RAD9B: variants seen among roughly 807,000 people sequenced by gnomAD.
The protein encoded by RAD9B is cell cycle checkpoint control protein RAD9B.
In RAD9B, 41 loss-of-function variants were observed where a neutral mutation model predicts 48.3. The ratio of observed to expected loss-of-function variants is 0.85; its 90% CI spans 0.66 to 1.10. The LOEUF is 1.10. Ranked by LOEUF, RAD9B falls within the 50% of genes least tolerant of loss-of-function variation. RAD9B has a pLI of 0.00. For synonymous variants in RAD9B, 160 were observed against 157.9 expected (o/e 1.01, Z -0.10); for missense variants, 444 against 485.1 (o/e 0.92, Z 0.80).
rs749061102 is a variant in RAD9B at position 110,522,304 on chromosome 12, A to T, written c.1018A>T (p.Asn340Tyr). 1.9e-6 allele frequency: 3 copies of T among 1,613,724 alleles called. No individual in the cohort carries two copies. Among genetic ancestry groups the T allele is most frequent in the Non-Finnish European group, 2.5e-6 (3 of 1,179,808 alleles). The part of the protein sequence containing the change: ...ETLTNISALE[N>Y]CGSPAMKRVD... ...TCTCACAAACATATCTGCATTGGAA[A>T]ACTGTGGCAGCCCTGCAATGAAAAG... Residue 340 changes from asparagine to tyrosine, a missense_variant, in exon 10 of 11, where the codon AAC becomes TAC. Asn to Tyr is a moderately radical substitution (Grantham distance 143, BLOSUM62 -2). Transcript: ENST00000409300.
At chr12:110,511,673 C>T (rs887199182) in intron 4 of RAD9B, 1 of 221,212 alleles carries the variant, frequency 4.5e-6, no homozygotes. Context: ...AGTAGGGTGA[C>T]TATAAGTTAG....
intron 10 of RAD9B, among the ~76,000 whole-genome samples, chr12:110,528,504 C>T (rs2064016874): frequency 6.6e-6 from 1 of 152,228 alleles, no homozygotes; most frequent in Non-Finnish European, 1.5e-5. Context: ...CTCATAAGGC[C>T]TCAAATGGCA....
chr12:110,512,480 T>A (rs2063489332), intron 4 of RAD9B, among the ~76,000 whole-genome samples: 1 of 152,180 alleles, frequency 6.6e-6, no homozygotes, highest in South Asian at 2.1e-4. Context: ...TAAAATACCA[T>A]GTATCAATAA....
At chr12:110,504,206 C>T (rs954480227) in intron 2 of RAD9B, among the ~76,000 whole-genome samples, 4 of 151,252 alleles carry the variant, frequency 2.6e-5, no homozygotes, top group African/African-American at 7.3e-5. Flanking sequence ...CGATGGCTCA[C>T]GCCTGTAATC....
intron 8 of RAD9B, among the ~76,000 whole-genome samples, chr12:110,519,384 G>A (rs2063703551): frequency 6.6e-6 from 1 of 151,620 alleles, no homozygotes; most frequent in Non-Finnish European, 1.5e-5. Context: ...GATTACAGGC[G>A]TGAGCCATAG....
chr12:110,507,595 C>CAT (rs1205073628), intron 4 of RAD9B, among the ~76,000 whole-genome samples: 9 of 142,786 alleles, frequency 6.3e-5, no homozygotes, highest in Non-Finnish European at 1.2e-4. Flanking sequence ...ATACATAATA[C>CAT]ATATTATGTA....
intron 2 of RAD9B, 33 bp from the exon 3 acceptor site, chr12:110,505,584 C>G (rs1227003059): frequency 1.3e-6 from 2 of 1,503,318 alleles, no homozygotes; most frequent in Non-Finnish European, 1.8e-6. Context: ...CATGCGCAAC[C>G]TCTCCTAAAT....
intron 10 of RAD9B, among the ~76,000 whole-genome samples, chr12:110,529,177 C>T (rs1423862533): frequency 6.6e-6 from 1 of 151,706 alleles, no homozygotes; most frequent in Non-Finnish European, 1.5e-5. Flanking sequence ...GATGGAGTTT[C>T]GCTCTTGTTG....
intron 6 of RAD9B, among the ~76,000 whole-genome samples, chr12:110,517,751 G>GAC (rs34935245): frequency 0.33 from 46,656 of 141,212 alleles, 7,808 homozygotes; most frequent in East Asian, 0.43. Context: ...ACAAAACATT[G>GAC]ACACACACAC....
rs968151519 is a variant in RAD9B at position 110,531,870 on chromosome 12, C to T, written c.*1217C>T. 1.7e-5 allele frequency: 8 copies of T among 466,358 alleles called. No homozygotes were observed. Among genetic ancestry groups the T allele is most frequent in the Admixed American group, 4.3e-5 (1 of 23,120 alleles). The allele number at this position is 466,358 out of a possible 1,614,324, so 28.9% of individuals were successfully genotyped here. On this transcript the variant is annotated 3_prime_UTR_variant, in exon 11 of 11. Transcript: ENST00000409300. The stretch of plus-strand genomic sequence containing the variant: ...AGACTTTTGTAACATATTATTGTTA[C>T]ATCTTTCTGAAACCTTCAAACCGTA...
chr12:110,521,585 C>G (rs1226808532), intron 9 of RAD9B, among the ~76,000 whole-genome samples: 1 of 131,360 alleles, frequency 7.6e-6, no homozygotes, highest in East Asian at 2.2e-4. Context: ...GAGTCAGAGT[C>G]TCGCTTTGTC....
chr12:110,505,141 A>G (rs1161969028), intron 2 of RAD9B, among the ~76,000 whole-genome samples: 1 of 152,120 alleles, frequency 6.6e-6, no homozygotes, highest in African/African-American at 2.4e-5. Flanking sequence ...ACCTATATAT[A>G]CGTACATGCT....
rs540284737 is a variant in RAD9B at position 110,531,858 on chromosome 12, A to G, written c.*1205A>G. 6.0e-6 allele frequency: 3 copies of G among 495,920 alleles called. No homozygotes were observed. The highest frequency in any genetic ancestry group is 4.1e-5 in the Admixed American group (1 of 24,244). The allele number at this position is 495,920 out of a possible 1,614,324, so 30.7% of individuals were successfully genotyped here. ...ACCTGACAAACGAGACTTTTGTAACATATTATTGTTACATCTTTCTGAAAC... is the reference window on the plus strand; with the variant it reads ...ACCTGACAAACGAGACTTTTGTAACGTATTATTGTTACATCTTTCTGAAAC... On this transcript the variant is annotated 3_prime_UTR_variant, in exon 11 of 11. Coordinates refer to ENST00000409300, the MANE Select transcript of RAD9B (RefSeq NM_001286535.2).
intron 7 of RAD9B, 42 bp downstream of exon 7, chr12:110,518,824 T>C: frequency 6.4e-7 from 1 of 1,573,774 alleles, no homozygotes; most frequent in East Asian, 2.2e-5. Flanking sequence ...AAATTTTCAC[T>C]GTAAGTTTTT....
chr12:110,525,348 A>T (rs1224555841), intron 10 of RAD9B, among the ~76,000 whole-genome samples: 1 of 151,050 alleles, frequency 6.6e-6, no homozygotes, highest in African/African-American at 2.4e-5. Context: ...CTGGTCTCAA[A>T]CTCCTGACCT....
At chr12:110,530,190 C>T (rs2064089166) in intron 10 of RAD9B, among the ~76,000 whole-genome samples, 1 of 152,040 alleles carries the variant, frequency 6.6e-6, no homozygotes, top group Non-Finnish European at 1.5e-5. Flanking sequence ...CTACAGGTGT[C>T]CGCCACCACA....
intron 10 of RAD9B, among the ~76,000 whole-genome samples, chr12:110,524,455 A>G (rs999114674): frequency 2.0e-5 from 3 of 152,066 alleles, no homozygotes; most frequent in Non-Finnish European, 2.9e-5. Flanking sequence ...CCAGCTACTC[A>G]GGAGGCTGAG....
At chr12:110,513,147 T>C (rs954259559) in intron 5 of RAD9B, among the ~76,000 whole-genome samples, 2 of 152,058 alleles carry the variant, frequency 1.3e-5, no homozygotes, top group Non-Finnish European at 2.9e-5. Context: ...TTTGTATTTT[T>C]AATAGAGACG....
intron 2 of RAD9B, among the ~76,000 whole-genome samples, chr12:110,504,817 CA>C (rs1483581727): frequency 6.6e-6 from 1 of 152,016 alleles, no homozygotes; most frequent in Non-Finnish European, 1.5e-5. Context: ...AGCAACAAAG[CA>C]AGACACTACC....
Sources: gnomAD v4.1 joint callset for allele counts (sites outside exome capture counted in the v4.1 genomes callset) on GRCh38, gnomAD v4.1.1 for gene constraint, MANE v1.5 for transcripts, NCBI Gene and HGNC (gene_info 2026-07-23, HGNC 2026-07-21) for gene names.